BTG4: variants seen among roughly 807,000 people sequenced by gnomAD.
BTG4 encodes the protein protein BTG4.
In BTG4, 10 loss-of-function variants were observed where a neutral mutation model predicts 19.3. The ratio of observed to expected loss-of-function variants is 0.52; its 90% CI spans 0.32 to 0.88. The LOEUF is 0.88. BTG4 is among the 40% of genes least tolerant of loss of function. The pLI is 0.04. For synonymous variants in BTG4, 91 were observed against 95.7 expected, an observed-to-expected ratio of 0.95 and a Z score of 0.29; for missense variants, 238 against 281.9, an observed-to-expected ratio of 0.84 and a Z score of 1.11.
At chr11:111,465,566 A>G (rs942592963), downstream of BTG4, among the ~76,000 whole-genome samples, 1 of 152,230 alleles carries the variant, frequency 6.6e-6, no homozygotes, top group African/African-American at 2.4e-5. Context: ...ATAGGTCAAG[A>G]AAGTATTCAA....
intron 5 of BTG4, among the ~76,000 whole-genome samples, chr11:111,468,720 C>T (rs1478217048): frequency 6.6e-6 from 1 of 152,216 alleles, no homozygotes; most frequent in Non-Finnish European, 1.5e-5. Flanking sequence ...TGAGAGCCCT[C>T]TAAGGCAGTG....
chr11:111,486,691 A>G (rs148717199), intron 5 of BTG4, among the ~76,000 whole-genome samples: 1 of 152,346 alleles, frequency 6.6e-6, no homozygotes, highest in African/African-American at 2.4e-5. Flanking sequence ...ATTCATCATG[A>G]TCATGATCAT....
chr11:111,503,665 A>G (rs1866247136), intron 1 of BTG4, among the ~76,000 whole-genome samples: 1 of 152,168 alleles, frequency 6.6e-6, no homozygotes, highest in Admixed American at 6.6e-5. Context: ...GTGAGGATGA[A>G]GAACAGAAAG....
the BTG4 span, among the ~76,000 whole-genome samples, chr11:111,446,963 T>G: frequency 6.6e-6 from 1 of 152,202 alleles, no homozygotes; most frequent in Admixed American, 6.5e-5. Context: ...TTGAAAGACT[T>G]ACTACAAAAA....
Position 111,474,402 on chromosome 11 carries a change from C to T in BTG4, c.663-6721G>A, listed in dbSNP as rs186409651. 1.9e-3 allele frequency among the ~76,000 whole-genome samples: 291 copies of T among 152,200 alleles called. 3 individuals are homozygous for T. The highest frequency in any genetic ancestry group is 5.7e-3 in the African/African-American group (238 of 41,554). ...GACTTCAAACATCATCAATAGTTTTCGCTTATTCATGAACTTCATATAAAT... is the reference window on the plus strand; with the variant it reads ...GACTTCAAACATCATCAATAGTTTTTGCTTATTCATGAACTTCATATAAAT... On this transcript the variant is annotated intron_variant, in intron 5 of 5. Coordinates refer to the BTG4 transcript ENST00000356018.
chr11:111,438,756 C>T, the BTG4 span, among the ~76,000 whole-genome samples: 72 of 152,286 alleles, frequency 4.7e-4, no homozygotes, highest in African/African-American at 1.7e-3. Flanking sequence ...CTTGGTGACC[C>T]CATACATTAC....
downstream of BTG4, among the ~76,000 whole-genome samples, chr11:111,493,019 G>A (rs187671709): frequency 2.0e-3 from 310 of 152,196 alleles, 1 homozygote; most frequent in Admixed American, 5.8e-3. Flanking sequence ...GGGGGCGCAC[G>A]CTTGTAGTCC....
the BTG4 span, among the ~76,000 whole-genome samples, chr11:111,461,510 C>T: frequency 6.6e-6 from 1 of 152,284 alleles, no homozygotes; most frequent in South Asian, 2.1e-4. Context: ...CACCTGAGGT[C>T]AGGAGGTCAA....
the BTG4 span, chr11:111,404,511 C>T: frequency 2.7e-4 from 120 of 448,122 alleles, no homozygotes; most frequent in East Asian, 7.5e-3. Flanking sequence ...CACCATGAAA[C>T]AGGGGGCAGG....
At chr11:111,511,286 GA>G (rs1866890417) in intron 1 of BTG4, among the ~76,000 whole-genome samples, 1 of 152,072 alleles carries the variant, frequency 6.6e-6, no homozygotes, top group Non-Finnish European at 1.5e-5. Flanking sequence ...TATGCATTTG[GA>G]AAAAAAGTGC....
chr11:111,388,890 C>T, the BTG4 span, among the ~76,000 whole-genome samples: 4 of 152,168 alleles, frequency 2.6e-5, no homozygotes, highest in Non-Finnish European at 4.4e-5. Flanking sequence ...GTAATACTTG[C>T]CAATCATCCT....
intron 5 of BTG4, among the ~76,000 whole-genome samples, chr11:111,485,403 T>C (rs1008223607): frequency 1.3e-5 from 2 of 152,154 alleles, no homozygotes; most frequent in African/African-American, 4.8e-5. Flanking sequence ...TCATATCAAC[T>C]ACTTTTTCCA....
At chr11:111,488,277 T>C (rs745796740) in intron 5 of BTG4, among the ~76,000 whole-genome samples, 7 of 152,174 alleles carry the variant, frequency 4.6e-5, no homozygotes, top group Non-Finnish European at 8.8e-5. Flanking sequence ...CGGAACAGAA[T>C]AGAAAACCCA....
the BTG4 span, among the ~76,000 whole-genome samples, chr11:111,402,872 A>G: frequency 6.6e-6 from 1 of 152,156 alleles, no homozygotes; most frequent in Non-Finnish European, 1.5e-5. Context: ...TAATAATAAT[A>G]ATAATAATAA....
At chr11:111,411,671 A>G in the BTG4 span, among the ~76,000 whole-genome samples, 1 of 152,226 alleles carries the variant, frequency 6.6e-6, no homozygotes. Flanking sequence ...TGCACTTGTA[A>G]CAAGCTTTCA....
the BTG4 span, among the ~76,000 whole-genome samples, chr11:111,412,995 G>A: frequency 1.4e-4 from 21 of 152,156 alleles, no homozygotes; most frequent in East Asian, 3.9e-4. Flanking sequence ...CATTAAAGAC[G>A]GGTGGTCGGT....
At chr11:111,438,633 T>TG in the BTG4 span, among the ~76,000 whole-genome samples, 3 of 152,360 alleles carry the variant, frequency 2.0e-5, no homozygotes, top group South Asian at 6.2e-4. Context: ...CACCTAGCTC[T>TG]GCACCTTGCC....
the BTG4 span, among the ~76,000 whole-genome samples, chr11:111,413,045 T>G: frequency 1.3e-4 from 19 of 151,988 alleles, no homozygotes; most frequent in Non-Finnish European, 2.5e-4. Context: ...CGGAGAGAAG[T>G]GCAGAGTCAG....
At chr11:111,391,579 A>G in the BTG4 span, among the ~76,000 whole-genome samples, 4 of 151,986 alleles carry the variant, frequency 2.6e-5, no homozygotes, top group African/African-American at 9.7e-5. Flanking sequence ...GAGGCCTCTC[A>G]CATTTCCAAG....
Sources: allele counts gnomAD v4.1 joint callset (sites outside exome capture counted in the v4.1 genomes callset), GRCh38; gene constraint gnomAD v4.1.1; transcripts MANE v1.5; gene names NCBI Gene and HGNC (gene_info 2026-07-23, HGNC 2026-07-21).